Variants in NEBL observed in about 807,000 individuals in gnomAD.
NEBL encodes the protein LIM and SH3 protein 2.
In NEBL, 122 loss-of-function variants were observed where a neutral mutation model predicts 140.2. The ratio of observed to expected loss-of-function variants is 0.87; its 90% CI spans 0.75 to 1.01. The LOEUF is 1.01. Among genes scored for constraint, NEBL ranks in the 50% least tolerant of loss-of-function variants. NEBL has a pLI of 0.00. For synonymous variants in NEBL, 436 were observed against 398.9 expected, an observed-to-expected ratio of 1.09 and a Z score of -1.11; for missense variants, 1,365 against 1,231.3, an observed-to-expected ratio of 1.11 and a Z score of -1.62.
At chr10:20,909,901 A>G (rs904462361) in intron 4 of NEBL, among the ~76,000 whole-genome samples, 1 of 152,200 alleles carries the variant, frequency 6.6e-6, no homozygotes, top group South Asian at 2.1e-4. Flanking sequence ...GGAAAAAAAA[A>G]GTGTTTTATA....
At chr10:20,801,024 C>T (rs1030663675) in intron 26 of NEBL, among the ~76,000 whole-genome samples, 17 of 152,054 alleles carry the variant, frequency 1.1e-4, no homozygotes, top group African/African-American at 3.9e-4. Flanking sequence ...CAGCACTGCC[C>T]GTGCTCTAGT....
chr10:21,212,947 T>C (rs1841940125), intron 3 of NEBL, among the ~76,000 whole-genome samples: 1 of 152,102 alleles, frequency 6.6e-6, no homozygotes, highest in Non-Finnish European at 1.5e-5. Flanking sequence ...CATTAAGTTC[T>C]TAGTGATTCT....
intron 2 of NEBL, among the ~76,000 whole-genome samples, chr10:21,038,724 C>T (rs1033131552): frequency 8.5e-5 from 13 of 152,116 alleles, no homozygotes; most frequent in African/African-American, 2.7e-4. Context: ...TGAGTATATA[C>T]GCAGTAATGG....
chr10:20,992,765 CTTTTTTTTT>C (rs35627113), intron 3 of NEBL, among the ~76,000 whole-genome samples: 61 of 52,454 alleles, frequency 1.2e-3, no homozygotes, highest in African/African-American at 4.9e-3. Context: ...ACTACAAAGT[CTTTTTTTTT>C]TTTTTTTTTT....
chr10:21,004,839 C>A (rs1369240755), intron 3 of NEBL, among the ~76,000 whole-genome samples: 1 of 152,220 alleles, frequency 6.6e-6, no homozygotes, highest in African/African-American at 2.4e-5. Context: ...AACTGTGATG[C>A]ATACAGGTAG....
intron 3 of NEBL, among the ~76,000 whole-genome samples, chr10:21,012,631 C>T (rs1052525469): frequency 6.6e-6 from 1 of 152,134 alleles, no homozygotes; most frequent in African/African-American, 2.4e-5. Context: ...CTTCAGCCTA[C>T]CAAAGCATTG....
At chr10:21,279,000 T>A (rs971344874) in intron 1 of NEBL, among the ~76,000 whole-genome samples, 2 of 152,170 alleles carry the variant, frequency 1.3e-5, no homozygotes, top group African/African-American at 4.8e-5. Context: ...CCCAGCGCCA[T>A]GAAGAAAGAT....
At position 21,055,535 on chromosome 10, in the gene NEBL, T is replaced by C. The variant is rs568686556; in HGVS notation, c.165-35334A>G. Among the ~76,000 whole-genome samples the C allele has an allele frequency of 3.5e-3, 528 of 152,274 alleles. 6 individuals carry two copies. The highest frequency in any genetic ancestry group is 3.3e-3 in the Non-Finnish European group (226 of 68,004). ...TTTTGCTACTTTAAGGTTACCATTC[T>C]GCATGTAACCACATCCTGGCTCTAT... On this transcript the variant is annotated intron_variant, in intron 2 of 6. Transcript: ENST00000417816.
At chr10:20,896,465 G>A (rs1473233736) in intron 2 of NEBL, among the ~76,000 whole-genome samples, 2 of 103,376 alleles carry the variant, frequency 1.9e-5, no homozygotes, top group Non-Finnish European at 3.9e-5. Flanking sequence ...ATCCTGAATT[G>A]TAAATAAATA....
At chr10:21,031,441 C>A (rs1180343256) in intron 2 of NEBL, among the ~76,000 whole-genome samples, 1 of 152,224 alleles carries the variant, frequency 6.6e-6, no homozygotes, top group African/African-American at 2.4e-5. Flanking sequence ...TTGGATGGAC[C>A]AAGACCACGC....
chr10:21,021,919 C>G (rs1189377796), intron 2 of NEBL, among the ~76,000 whole-genome samples: 1 of 152,190 alleles, frequency 6.6e-6, no homozygotes, highest in African/African-American at 2.4e-5. Context: ...AACAACCACA[C>G]AAGGAGCCCA....
At chr10:20,936,185 C>A (rs1834473977) in intron 4 of NEBL, among the ~76,000 whole-genome samples, 1 of 152,186 alleles carries the variant, frequency 6.6e-6, no homozygotes, top group South Asian at 2.1e-4. Flanking sequence ...ATCTTTTACT[C>A]ATATTCTAAG....
chr10:20,838,324 C>G (rs190325001), intron 13 of NEBL, among the ~76,000 whole-genome samples: 1 of 152,146 alleles, frequency 6.6e-6, no homozygotes, highest in East Asian at 1.9e-4. Flanking sequence ...GGGTTCAAGA[C>G]TTCAGTGGAG....
chr10:20,948,064 G>A (rs1488579668), intron 4 of NEBL, among the ~76,000 whole-genome samples: 2 of 152,360 alleles, frequency 1.3e-5, no homozygotes, highest in Admixed American at 6.5e-5. Context: ...GTCCTGGGTC[G>A]CATGTGGCCC....
chr10:20,950,545 A>G (rs989126658), intron 4 of NEBL, among the ~76,000 whole-genome samples: 1 of 152,214 alleles, frequency 6.6e-6, no homozygotes, highest in Admixed American at 6.5e-5. Flanking sequence ...AAACACATCC[A>G]GAAAAGTGGT....
intron 2 of NEBL, among the ~76,000 whole-genome samples, chr10:21,042,400 GA>G (rs1283934127): frequency 6.6e-6 from 1 of 152,170 alleles, no homozygotes; most frequent in Non-Finnish European, 1.5e-5. Context: ...AGAATTTTAT[GA>G]GTAAGTTGCT....
In NEBL at chr10:21,186,128, G is replaced by C. The variant is rs149817226; in HGVS notation, n.349-13651C>G. 3.7e-3 allele frequency among the ~76,000 whole-genome samples: 557 copies of C among 152,174 alleles called. 3 individuals are homozygous for C. The highest frequency in any genetic ancestry group is 0.012 in the African/African-American group (509 of 41,490). ...AGTTTTAAATTTTAAGACTTCAGGT[G>C]ATACTAAGGCACACTTAAAACTTTA... On this transcript the variant is annotated intron_variant and non_coding_transcript_variant, in intron 3 of 8. Coordinates refer to the NEBL transcript ENST00000675702.
intron 5 of NEBL, among the ~76,000 whole-genome samples, chr10:20,873,302 C>T (rs1845163431): frequency 6.6e-6 from 1 of 152,104 alleles, no homozygotes; most frequent in Non-Finnish European, 1.5e-5. Flanking sequence ...CTTCTCATGA[C>T]AATGTGGTGC....
intron 4 of NEBL, among the ~76,000 whole-genome samples, chr10:20,955,702 A>G (rs1212587412): frequency 1.3e-5 from 2 of 152,148 alleles, no homozygotes; most frequent in African/African-American, 4.8e-5. Flanking sequence ...GATGAAAGAG[A>G]TATTTTAGAA....
Sources: gnomAD v4.1 joint callset for allele counts (sites outside exome capture counted in the v4.1 genomes callset) on GRCh38, gnomAD v4.1.1 for gene constraint, MANE v1.5 for transcripts, NCBI Gene and HGNC (gene_info 2026-07-23, HGNC 2026-07-21) for gene names.